EZR: variants seen among roughly 807,000 people sequenced by gnomAD.
EZR encodes the protein ezrin.
Under a neutral mutation model 74.8 loss-of-function variants are expected in EZR, and 40 were observed. That is an observed-to-expected ratio of 0.53 (90% CI 0.42 to 0.70). The LOEUF is 0.70. Ranked by LOEUF, EZR falls within the 30% of genes least tolerant of loss-of-function variation. EZR has a pLI of 0.00. For missense variants in EZR, 678 were observed against 755.8 expected (o/e 0.90, Z 1.21); for synonymous variants, 341 against 283.3 (o/e 1.20, Z -2.05).
chr6:158,797,777 T>C (rs143155484), intron 2 of EZR, among the ~76,000 whole-genome samples: 5 of 152,332 alleles, frequency 3.3e-5, no homozygotes, highest in African/African-American at 1.2e-4. Context: ...GAGACAAAAC[T>C]GTATATTTTT....
rs1463550978 is a variant in EZR at position 158,793,725 on chromosome 6, C to T, written c.13-4354G>A. ...ATCTAAAAGCAACCCCATCCACACA[C>T]ACATTTCCAAATGCTCTATGGGGAA... On this transcript the variant is annotated intron_variant, in intron 2 of 13. Transcript: ENST00000367075. Among the ~76,000 whole-genome samples, 3 of 152,198 alleles carry T rather than the reference C, an allele frequency of 2.0e-5. No homozygotes were observed. The East Asian group carries it at 5.8e-4, about 29-fold the overall frequency.
chr6:158,777,913 TA>T (rs35964138), intron 7 of EZR, among the ~76,000 whole-genome samples: 79,071 of 151,452 alleles, frequency 0.52, 21,564 homozygotes, highest in Non-Finnish European at 0.61. Flanking sequence ...CAATCCCCAT[TA>T]AAAAAAAACA....
At chr6:158,802,689 G>A (rs1160913645) in intron 2 of EZR, among the ~76,000 whole-genome samples, 2 of 151,554 alleles carry the variant, frequency 1.3e-5, no homozygotes, top group Non-Finnish European at 2.9e-5. Context: ...GTGCCACCAC[G>A]CCCAGCTAAT....
At chr6:158,785,877 T>A (rs571954471) in intron 4 of EZR, among the ~76,000 whole-genome samples, 1 of 151,636 alleles carries the variant, frequency 6.6e-6, no homozygotes, top group Non-Finnish European at 1.5e-5. Context: ...AGAGATCCCA[T>A]CTCTACAACA....
intron 2 of EZR, among the ~76,000 whole-genome samples, chr6:158,814,373 A>AGAT (rs55726149): frequency 0.77 from 116,847 of 151,162 alleles, 46,904 homozygotes; most frequent in African/African-American, 0.89. Flanking sequence ...TTTCCCCATC[A>AGAT]GATTTTCCTC....
At chr6:158,777,486 C>T (rs1157606559) in intron 7 of EZR, among the ~76,000 whole-genome samples, 2 of 152,264 alleles carry the variant, frequency 1.3e-5, no homozygotes, top group Non-Finnish European at 2.9e-5. Context: ...CTGACACTTC[C>T]CACCCTATTC....
At chr6:158,769,566 T>A (rs2128564433) in intron 11 of EZR, 148 bp from the exon 12 acceptor site, 2 of 1,043,252 alleles carry the variant, frequency 1.9e-6, no homozygotes, top group Non-Finnish European at 1.4e-6. Flanking sequence ...CAGGGTCCAT[T>A]GTGCACCCCC....
Position 158,817,225 on chromosome 6 carries a change from A to T in EZR, c.12+857T>A, listed in dbSNP as rs908901528. 1.3e-5 allele frequency among the ~76,000 whole-genome samples: 2 copies of T among 152,220 alleles called. 1 individual carries two copies. The highest frequency in any genetic ancestry group is 2.9e-5 in the Non-Finnish European group (2 of 68,040). ...GTCCATTGTGATTCAAAACTCAAAA[A>T]ATGTTAAACCTTCCCCCTAATGTCT... On this transcript the variant is annotated intron_variant, in intron 2 of 13. Transcript: ENST00000367075.
At chr6:158,769,728 ATCC>A in intron 11 of EZR, 53 bp downstream of exon 11, 1 of 1,597,884 alleles carries the variant, frequency 6.3e-7, no homozygotes, top group South Asian at 1.1e-5. Flanking sequence ...CACATTTTCC[ATCC>A]TCAGAAGCAG....
At chr6:158,793,660 T>C (rs1032135592) in intron 2 of EZR, among the ~76,000 whole-genome samples, 3 of 152,150 alleles carry the variant, frequency 2.0e-5, no homozygotes, top group Non-Finnish European at 4.4e-5. Context: ...TTTAGCATCC[T>C]TAAGCCATCC....
Position 158,766,323 on chromosome 6 carries a change from A to C in EZR, c.*591T>G, listed in dbSNP as rs1057038. 1.3e-5 allele frequency: 2 copies of C among 150,350 alleles called. No individual in the cohort carries two copies. The highest frequency in any genetic ancestry group is 3.0e-5 in the Non-Finnish European group (2 of 67,522). The allele number at this position is 150,350 out of a possible 1,614,324, so 9.3% of individuals were successfully genotyped here. ...CAAAAAAAAAAAAAACAAAAAAAAAAATCCAAGTGTCCTCCTCCACCACTC... is the reference window on the plus strand; with the variant it reads ...CAAAAAAAAAAAAAACAAAAAAAAACATCCAAGTGTCCTCCTCCACCACTC... On this transcript the variant is annotated 3_prime_UTR_variant, in exon 14 of 14. Transcript: ENST00000367075.
chr6:158,798,632 T>G (rs1255080115), intron 2 of EZR, among the ~76,000 whole-genome samples: 1 of 149,710 alleles, frequency 6.7e-6, no homozygotes. Context: ...CTTTTTTTTT[T>G]TTTTTTTTTT....
intron 7 of EZR, among the ~76,000 whole-genome samples, chr6:158,779,215 G>A (rs183774498): frequency 6.6e-6 from 1 of 152,132 alleles, no homozygotes; most frequent in South Asian, 2.1e-4. Flanking sequence ...TCCAAATAAT[G>A]AGAAAACACC....
chr6:158,775,974 C>G (rs1564972), intron 8 of EZR, among the ~76,000 whole-genome samples: 118,176 of 152,128 alleles, frequency 0.78, 47,789 homozygotes, highest in African/African-American at 0.91. Flanking sequence ...AAACCTTGGG[C>G]ACCAGCAATG....
chr6:158,811,473 AAAGTTT>A (rs1777450216), intron 2 of EZR, among the ~76,000 whole-genome samples: 1 of 152,232 alleles, frequency 6.6e-6, no homozygotes, highest in Non-Finnish European at 1.5e-5. Flanking sequence ...AAGAGATATA[AAAGTTT>A]AAGTTAAAAA....
At chr6:158,791,706 A>ATTTTTTTTTTTTTTTTTTTTTTTTTTTT (rs57581855) in intron 2 of EZR, among the ~76,000 whole-genome samples, 1 of 96,262 alleles carries the variant, frequency 1.0e-5, no homozygotes, top group Non-Finnish European at 2.0e-5. Flanking sequence ...TTCAGACTCC[A>ATTTTTTTTTTTTTTTTTTTTTTTTTTTT]TTTTTTTTTT....
intron 7 of EZR, among the ~76,000 whole-genome samples, chr6:158,777,713 C>G (rs761044469): frequency 6.6e-6 from 1 of 152,144 alleles, no homozygotes; most frequent in Admixed American, 6.5e-5. Flanking sequence ...TCAACTAGAT[C>G]AAGGCAGTGG....
At chr6:158,791,694 AT>A (rs1791750688) in intron 2 of EZR, among the ~76,000 whole-genome samples, 1 of 138,564 alleles carries the variant, frequency 7.2e-6, no homozygotes. Context: ...TGCACACGAG[AT>A]TTCAGACTCC....
At chr6:158,789,587 T>A in intron 2 of EZR, 2 of 699,060 alleles carry the variant, frequency 2.9e-6, no homozygotes, top group South Asian at 2.7e-5. Context: ...GCTTCTTTGC[T>A]TTAATAAAGC....
Sources: gnomAD v4.1 joint callset for allele counts (sites outside exome capture counted in the v4.1 genomes callset) on GRCh38, gnomAD v4.1.1 for gene constraint, MANE v1.5 for transcripts, NCBI Gene and HGNC (gene_info 2026-07-23, HGNC 2026-07-21) for gene names.